ZNF599: variants seen among roughly 807,000 people sequenced by gnomAD.
ZNF599 encodes zinc finger protein 599.
ZNF599 carries 10 observed loss-of-function variants against 11.7 expected under a neutral mutation model. The ratio of observed to expected loss-of-function variants is 0.86; its 90% CI spans 0.53 to 1.45. ZNF599 has a LOEUF of 1.45. ZNF599 is among the 40% of genes most tolerant of loss of function. ZNF599 has a pLI of 0.00. For missense variants in ZNF599, 688 were observed against 713.6 expected, an observed-to-expected ratio of 0.96 and a Z score of 0.41; for synonymous variants, 232 against 253.2, an observed-to-expected ratio of 0.92 and a Z score of 0.79.
rs1471338496 is a variant in ZNF599, at chr19:34,772,700, G to A, written c.18+124C>T. 5 of 1,501,244 alleles carry A rather than the reference G, an allele frequency of 3.3e-6. No individual in the cohort carries two copies. The East Asian group carries it at 8.0e-5, about 24-fold the overall frequency. 93.0% of individuals were successfully genotyped at this position (1,501,244 alleles called of 1,614,324 possible). On this transcript the variant is annotated intron_variant, in intron 1 of 3. Coordinates refer to ENST00000329285, the MANE Select transcript of ZNF599 (RefSeq NM_001007248.3). Reference sequence around the variant, plus strand: ...GCCCTCTCACCTCACCCTCTCCCGGGATCTCCATAACCTAGGGCATCAAAA... The same window carrying A: ...GCCCTCTCACCTCACCCTCTCCCGGAATCTCCATAACCTAGGGCATCAAAA...
At chr19:34,765,179 C>T (rs542940619) in intron 3 of ZNF599, 21 of 168,010 alleles carry the variant, frequency 1.2e-4, no homozygotes, top group African/African-American at 2.9e-4. Context: ...GAGAGATTCA[C>T]GTATGGCTTC....
the ZNF599 span, among the ~76,000 whole-genome samples, chr19:34,782,430 G>C: frequency 6.6e-6 from 1 of 152,228 alleles, no homozygotes; most frequent in Non-Finnish European, 1.5e-5. Context: ...GCCAAAAAAG[G>C]GGACAGAATC....
chr19:34,764,666 G>C (rs1164248903), intron 3 of ZNF599: 11 of 152,188 alleles, frequency 7.2e-5, no homozygotes, highest in Non-Finnish European at 1.6e-4. Flanking sequence ...GTATGTACTA[G>C]GGGGTTCTAT....
chr19:34,806,165 C>A, the ZNF599 span, among the ~76,000 whole-genome samples: 1 of 152,270 alleles, frequency 6.6e-6, no homozygotes, highest in East Asian at 1.9e-4. Context: ...AGAGGTAGAC[C>A]TTGAGAAGCA....
chr19:34,760,345 A>C lies in ZNF599; in HGVS notation c.456T>G (p.Tyr152Ter), dbSNP rs749959158. ...CATCTGGCTCCAAATCATCATGTTT[A>C]TAACTCAACTTCTCAGGGCATATCT... ...HKEICPEKLS[Y>*]KHDDLEPDDS... The change falls in exon 4 of 4, where the codon TAT (tyrosine) becomes TAG (stop). Residue 152 changes from tyrosine to a stop codon, truncating the protein, a stop_gained. Transcript: ENST00000329285. LOFTEE classifies it low-confidence loss of function (END_TRUNC). The C allele has an allele frequency of 6.2e-7, 1 of 1,614,086 alleles. No individual in the cohort carries two copies. Among genetic ancestry groups the C allele is most frequent in the African/African-American group, 1.3e-5 (1 of 74,930 alleles).
At chr19:34,784,597 C>A in the ZNF599 span, among the ~76,000 whole-genome samples, 18 of 152,186 alleles carry the variant, frequency 1.2e-4, 1 homozygote, top group South Asian at 3.7e-3. Flanking sequence ...ATTAATAGAT[C>A]CTCTTTCTCT....
Position 34,769,574 on chromosome 19 carries a change from G to A in ZNF599, c.19-19C>T. ...CTAATGCCTGGGAAGTCAAACAGAGGTGACAGGTGGCTGTGGAGCTATTAG... is the reference window on the plus strand; with the variant it reads ...CTAATGCCTGGGAAGTCAAACAGAGATGACAGGTGGCTGTGGAGCTATTAG... On this transcript the variant is annotated intron_variant, in intron 1 of 3. Coordinates refer to ENST00000329285, the MANE Select transcript of ZNF599 (RefSeq NM_001007248.3). 2 of 1,609,010 alleles carry A rather than the reference G, an allele frequency of 1.2e-6. No homozygotes were observed. Among genetic ancestry groups the A allele is most frequent in the African/African-American group, 1.3e-5 (1 of 74,932 alleles).
At chr19:34,795,260 G>A in the ZNF599 span, among the ~76,000 whole-genome samples, 1 of 152,110 alleles carries the variant, frequency 6.6e-6, no homozygotes, top group East Asian at 1.9e-4. Context: ...ATGTAGCCAG[G>A]TGGCCTGCTA....
chr19:34,772,289 G>A, intron 1 of ZNF599: 1 of 982,708 alleles, frequency 1.0e-6, no homozygotes, highest in Non-Finnish European at 1.2e-6. Context: ...AATCCAATGA[G>A]CTTCTTGTCT....
chr19:34,785,266 C>T, the ZNF599 span, among the ~76,000 whole-genome samples: 10 of 152,192 alleles, frequency 6.6e-5, no homozygotes, highest in Non-Finnish European at 1.2e-4. Context: ...GATGCAGAAT[C>T]TAATCACTGC....
At chr19:34,791,733 C>A in the ZNF599 span, 1 of 152,270 alleles carries the variant, frequency 6.6e-6, no homozygotes, top group Non-Finnish European at 1.5e-5. Context: ...GAGGTCACAA[C>A]AAGAGGCTTC....
chr19:34,766,612 A>G (rs985349884), intron 3 of ZNF599, among the ~76,000 whole-genome samples: 1 of 152,228 alleles, frequency 6.6e-6, no homozygotes, highest in Non-Finnish European at 1.5e-5. Flanking sequence ...ATGTGATCAC[A>G]TTCCCAAACA....
intron 3 of ZNF599, among the ~76,000 whole-genome samples, chr19:34,760,890 A>T (rs994742645): frequency 1.3e-5 from 2 of 152,194 alleles, no homozygotes; most frequent in Non-Finnish European, 2.9e-5. Flanking sequence ...TCATGGTGCT[A>T]TGACAATGTA....
At position 34,769,526 on chromosome 19, in the gene ZNF599, C is replaced by T; in HGVS notation, c.48G>A (p.Val16=). ...GCCCCCATTCCTCTCCAGTGAAGGT[C>T]ACAACCACGTCTTCAAATGATACTA... is the stretch of plus-strand genomic sequence containing the variant. ...LALVSFEDVV[V]TFTGEEWGHL... The change falls in exon 2 of 4, where the codon GTG becomes GTA. Residue 16 remains valine (V), a synonymous_variant. Coordinates refer to ENST00000329285, the MANE Select transcript of ZNF599 (RefSeq NM_001007248.3). 1 of 1,614,110 alleles carries T rather than the reference C, an allele frequency of 6.2e-7. No individual in the cohort carries two copies. Among genetic ancestry groups the T allele is most frequent in the African/African-American group, 1.3e-5 (1 of 75,032 alleles).
At chr19:34,789,039 C>T in the ZNF599 span, among the ~76,000 whole-genome samples, 1 of 152,186 alleles carries the variant, frequency 6.6e-6, no homozygotes, top group Non-Finnish European at 1.5e-5. Context: ...GATTTCTTGA[C>T]AGTATTCCTG....
chr19:34,800,875 G>T, the ZNF599 span, among the ~76,000 whole-genome samples: 1 of 152,120 alleles, frequency 6.6e-6, no homozygotes, highest in South Asian at 2.1e-4. Flanking sequence ...GATTACAGGC[G>T]TGAGACACCA....
At chr19:34,763,329 T>C (rs1442780261) in intron 3 of ZNF599, 2 of 152,262 alleles carry the variant, frequency 1.3e-5, no homozygotes, top group Non-Finnish European at 2.9e-5. Flanking sequence ...TCATTATTTA[T>C]AATTTTTCTA....
At chr19:34,783,537 G>A in the ZNF599 span, among the ~76,000 whole-genome samples, 1 of 152,084 alleles carries the variant, frequency 6.6e-6, no homozygotes, top group Non-Finnish European at 1.5e-5. Flanking sequence ...AACTCAGACT[G>A]GTTGGCTATA....
At position 34,759,242 on chromosome 19, in the gene ZNF599, G is replaced by A. The variant is rs2069091603; in HGVS notation, c.1559C>T (p.Ala520Val). 1 of 1,614,004 alleles carries A rather than the reference G, an allele frequency of 6.2e-7. No individual in the cohort carries two copies. The change falls in exon 4 of 4, where the codon GCA becomes GTA. Residue 520 changes from alanine (A) to valine (V), a missense_variant. Physicochemically the swap from Ala to Val is moderately conservative, Grantham distance 64. Transcript: ENST00000329285. The part of the protein sequence containing the change: ...RECGKAFTQP[A>V]NFVRHNRIHT... ...GATCCTATTATGCCGAACAAAATTT[G>A]CAGGTTGGGTAAAAGCCTTTCCACA...
Sources: allele counts gnomAD v4.1 joint callset (sites outside exome capture counted in the v4.1 genomes callset), GRCh38; gene constraint gnomAD v4.1.1; transcripts MANE v1.5; gene names NCBI Gene and HGNC (gene_info 2026-07-23, HGNC 2026-07-21).